RANBP2: variants seen among roughly 807,000 people sequenced by gnomAD.
The protein encoded by RANBP2 is RAN binding protein 2.
Under a neutral mutation model 303.6 loss-of-function variants are expected in RANBP2, and 57 were observed. The ratio of observed to expected loss-of-function variants is 0.19; its 90% CI spans 0.15 to 0.23. The LOEUF is 0.23. Among genes scored for constraint, RANBP2 ranks in the 10% least tolerant of loss-of-function variants. The probability of loss-of-function intolerance (pLI) is 1.00; values close to 1 mark genes in which losing one functional copy is unlikely to be tolerated. For synonymous variants in RANBP2, 1,167 were observed against 1,301.5 expected (o/e 0.90, Z 2.23); for missense variants, 3,138 against 3,780.8 (o/e 0.83, Z 4.46).
the RANBP2 span, among the ~76,000 whole-genome samples, chr2:109,384,382 C>G: frequency 6.6e-6 from 1 of 151,884 alleles, no homozygotes; most frequent in African/African-American, 2.4e-5. Context: ...TGTCAGCGCT[C>G]GGGACTTGGC....
intron 18 of RANBP2, among the ~76,000 whole-genome samples, chr2:108,759,238 T>G (rs1010682377): frequency 5.9e-5 from 9 of 152,248 alleles, no homozygotes; most frequent in South Asian, 4.2e-4. Context: ...AATGTAATTT[T>G]ATTTAATTAC....
chr2:108,988,346 C>G, the RANBP2 span, among the ~76,000 whole-genome samples: 1 of 152,166 alleles, frequency 6.6e-6, no homozygotes, highest in African/African-American at 2.4e-5. Flanking sequence ...GAGCCCAACC[C>G]ACCCCACGGT....
At chr2:109,164,926 T>C in the RANBP2 span, among the ~76,000 whole-genome samples, 2 of 152,210 alleles carry the variant, frequency 1.3e-5, no homozygotes, top group Non-Finnish European at 2.9e-5. Context: ...AACTGGACCA[T>C]TGCAAATAAA....
At chr2:108,853,968 ATATATAT>A in the RANBP2 span, among the ~76,000 whole-genome samples, 3 of 112,352 alleles carry the variant, frequency 2.7e-5, no homozygotes, top group South Asian at 2.5e-4. Flanking sequence ...ATATAATAAA[ATATATAT>A]AATATATAAT....
chr2:108,947,646 C>T, the RANBP2 span, among the ~76,000 whole-genome samples: 1 of 152,246 alleles, frequency 6.6e-6, no homozygotes, highest in Non-Finnish European at 1.5e-5. Flanking sequence ...CCCTCTGAAG[C>T]AATGGCCTGA....
chr2:109,657,571 G>A, the RANBP2 span, among the ~76,000 whole-genome samples: 1 of 136,192 alleles, frequency 7.3e-6, no homozygotes, highest in African/African-American at 2.5e-5. Context: ...TTTATTTTAA[G>A]TTGGAGTGAA....
At chr2:108,731,853 T>G in intron 4 of RANBP2, 1 of 223,588 alleles carries the variant, frequency 4.5e-6, no homozygotes, top group South Asian at 6.3e-5. Context: ...CTAATAACTA[T>G]TGTCTGAAAG....
the RANBP2 span, among the ~76,000 whole-genome samples, chr2:109,690,075 A>G: frequency 6.6e-6 from 1 of 152,142 alleles, no homozygotes; most frequent in Non-Finnish European, 1.5e-5. Flanking sequence ...GCTACCCACC[A>G]TGGTACTGTG....
the RANBP2 span, among the ~76,000 whole-genome samples, chr2:109,289,194 T>G: frequency 6.6e-6 from 1 of 152,136 alleles, no homozygotes; most frequent in Non-Finnish European, 1.5e-5. Context: ...AAAAGCCCCT[T>G]TCTCTGCTGT....
chr2:109,627,300 G>T, the RANBP2 span, among the ~76,000 whole-genome samples: 2 of 152,266 alleles, frequency 1.3e-5, no homozygotes, highest in African/African-American at 2.4e-5. Flanking sequence ...GGGTTCAAGC[G>T]ATTCTCCTGC....
the RANBP2 span, among the ~76,000 whole-genome samples, chr2:109,471,206 CAA>C: frequency 1.5e-4 from 6 of 40,158 alleles, no homozygotes; most frequent in African/African-American, 3.8e-4. Flanking sequence ...GACTCTGTCT[CAA>C]AAAAAAAAAA....
the RANBP2 span, among the ~76,000 whole-genome samples, chr2:108,904,028 CTA>C: frequency 1.3e-5 from 2 of 152,018 alleles, no homozygotes; most frequent in African/African-American, 4.8e-5. Context: ...ATAAGCTAAA[CTA>C]TAGAATGGAG....
the RANBP2 span, among the ~76,000 whole-genome samples, chr2:109,513,838 C>T: frequency 6.6e-6 from 1 of 152,162 alleles, no homozygotes; most frequent in Non-Finnish European, 1.5e-5. Flanking sequence ...AAACCAAGCC[C>T]TCACCCACAG....
chr2:109,451,586 C>T, the RANBP2 span, among the ~76,000 whole-genome samples: 2 of 152,228 alleles, frequency 1.3e-5, no homozygotes, highest in Admixed American at 1.3e-4. Flanking sequence ...CATCACCCAC[C>T]TAAGTGTGAA....
chr2:109,357,055 T>G, the RANBP2 span, among the ~76,000 whole-genome samples: 9 of 151,770 alleles, frequency 5.9e-5, no homozygotes, highest in African/African-American at 2.2e-4. Context: ...TGTTACCTTT[T>G]TAAAATTTTT....
chr2:109,663,532 A>G, the RANBP2 span, among the ~76,000 whole-genome samples: 1 of 152,204 alleles, frequency 6.6e-6, no homozygotes, highest in Non-Finnish European at 1.5e-5. Flanking sequence ...TGCATAGAGC[A>G]AGTGTCTCAC....
the RANBP2 span, among the ~76,000 whole-genome samples, chr2:109,714,339 G>A: frequency 2.0e-5 from 3 of 152,064 alleles, no homozygotes; most frequent in Non-Finnish European, 4.4e-5. Flanking sequence ...GTCTCGCTCT[G>A]TCGCCAGGCT....
chr2:109,450,691 C>G, the RANBP2 span, among the ~76,000 whole-genome samples: 6 of 152,070 alleles, frequency 3.9e-5, no homozygotes, highest in Non-Finnish European at 8.8e-5. Flanking sequence ...TTTTGGAAGC[C>G]CATGTGAAAT....
chr2:109,348,783 T>G, the RANBP2 span, among the ~76,000 whole-genome samples: 1 of 152,124 alleles, frequency 6.6e-6, no homozygotes, highest in Non-Finnish European at 1.5e-5. Flanking sequence ...CTCCTGTCTC[T>G]TGTGTCTCCT....
Sources: allele counts gnomAD v4.1 joint callset (sites outside exome capture counted in the v4.1 genomes callset), GRCh38; gene constraint gnomAD v4.1.1; transcripts MANE v1.5; gene names NCBI Gene and HGNC (gene_info 2026-07-23, HGNC 2026-07-21).